Variants in SLC9A9 observed in about 807,000 individuals in gnomAD.
SLC9A9 encodes the protein sodium/hydrogen exchanger 9.
A neutral mutation model predicts 77.8 loss-of-function variants in SLC9A9; 62 were observed. The ratio of observed to expected loss-of-function variants is 0.80; its 90% CI spans 0.65 to 0.98. The LOEUF is 0.98. SLC9A9 is among the 50% of genes least tolerant of loss of function. The pLI is 0.00. For missense variants in SLC9A9, 775 were observed against 774.9 expected, an observed-to-expected ratio of 1.00 and a Z score of 0.00; for synonymous variants, 320 against 283.5, an observed-to-expected ratio of 1.13 and a Z score of -1.29.
intron 4 of SLC9A9, among the ~76,000 whole-genome samples, chr3:143,768,281 C>A (rs550619674): frequency 6.6e-6 from 1 of 152,096 alleles, no homozygotes. Flanking sequence ...CAAAAGAATA[C>A]CACTTGTTAA....
In SLC9A9 at chr3:143,449,644, A is replaced by AATATAATTATATAAAATATAATTATATT. The variant is rs1559921357; in HGVS notation, c.1469+17365_1469+17392dup. 1.3e-3 allele frequency among the ~76,000 whole-genome samples: 14 copies of AATATAATTATATAAAATATAATTATATT among 10,650 alleles called. 1 individual carries two copies. The highest frequency in any genetic ancestry group is 1.6e-3 in the Non-Finnish European group (13 of 8,336). 7.0% of individuals were successfully genotyped at this position (10,650 alleles called of 152,430 possible). A position where few individuals can be genotyped will look rare whatever the true frequency, so the allele number is the denominator to read the frequency against. The stretch of plus-strand genomic sequence containing the variant: ...ATAATTATATAAAATATAATTATAT[A>AATATAATTATATAAAATATAATTATATT]ATATAATTATATAAAATATAATTAT... On this transcript the variant is annotated intron_variant, in intron 12 of 15. Coordinates refer to ENST00000316549, the MANE Select transcript of SLC9A9 (RefSeq NM_173653.4).
chr3:143,803,511 T>C (rs1255809635), intron 2 of SLC9A9, among the ~76,000 whole-genome samples: 3 of 152,182 alleles, frequency 2.0e-5, no homozygotes, highest in African/African-American at 7.2e-5. Flanking sequence ...ATCACAGCTG[T>C]TGTCTCCTGG....
intron 11 of SLC9A9, among the ~76,000 whole-genome samples, chr3:143,476,221 G>A (rs2108576614): frequency 6.6e-6 from 1 of 152,298 alleles, no homozygotes; most frequent in South Asian, 2.1e-4. Context: ...TCACATGGAA[G>A]TGAAGCCAAC....
rs545579219 is a variant in SLC9A9, at chr3:143,282,605, T to C, written c.1605-13625A>G. Among the ~76,000 whole-genome samples, 3 of 152,302 alleles carry C rather than the reference T, an allele frequency of 2.0e-5. No homozygotes were observed. The East Asian group carries it at 5.8e-4, about 29-fold the overall frequency. ...AATTCTAGAGAAGCCTCTCAGAGCA[T>C]CAATTCTGCCCTTTCTGCCTTCCTG... On this transcript the variant is annotated intron_variant, in intron 14 of 15. Coordinates refer to ENST00000316549, the MANE Select transcript of SLC9A9 (RefSeq NM_173653.4).
chr3:143,773,672 C>CG (rs1315819911), intron 4 of SLC9A9, among the ~76,000 whole-genome samples: 2 of 151,954 alleles, frequency 1.3e-5, no homozygotes, highest in African/African-American at 2.4e-5. Flanking sequence ...TTAGTAGAGA[C>CG]GGGGTTTCAC....
intron 12 of SLC9A9, among the ~76,000 whole-genome samples, chr3:143,406,658 T>A (rs2033987954): frequency 1.3e-5 from 2 of 152,240 alleles, no homozygotes; most frequent in South Asian, 4.1e-4. Context: ...TCATCATTAC[T>A]CATTATTCCC....
At chr3:143,416,066 C>T (rs565518403) in intron 12 of SLC9A9, among the ~76,000 whole-genome samples, 83 of 152,154 alleles carry the variant, frequency 5.5e-4, no homozygotes, top group Non-Finnish European at 1.0e-3. Context: ...GTAGAAATAA[C>T]AAGAGAACTA....
At chr3:143,595,190 G>A (rs1238611797) in intron 6 of SLC9A9, among the ~76,000 whole-genome samples, 2 of 152,228 alleles carry the variant, frequency 1.3e-5, no homozygotes, top group African/African-American at 4.8e-5. Context: ...GGCTCTGAGT[G>A]GAGCTAGTGG....
chr3:143,371,412 A>C (rs577145193), intron 13 of SLC9A9, among the ~76,000 whole-genome samples: 1 of 152,218 alleles, frequency 6.6e-6, no homozygotes, highest in Non-Finnish European at 1.5e-5. Context: ...TAATGGCTTG[A>C]CTGAATAAAA....
At chr3:143,842,554 GAGA>G (rs1249043691) in intron 1 of SLC9A9, among the ~76,000 whole-genome samples, 7 of 152,264 alleles carry the variant, frequency 4.6e-5, no homozygotes, top group Admixed American at 3.3e-4. Context: ...CACCAAAAGG[GAGA>G]AGAAGTTTAG....
At chr3:143,421,047 A>G (rs2034288832) in intron 12 of SLC9A9, among the ~76,000 whole-genome samples, 1 of 152,214 alleles carries the variant, frequency 6.6e-6, no homozygotes, top group East Asian at 1.9e-4. Flanking sequence ...GGCTAGACAT[A>G]GATTAAAATA....
chr3:143,625,550 C>T (rs993302447), intron 6 of SLC9A9, among the ~76,000 whole-genome samples: 1 of 152,180 alleles, frequency 6.6e-6, no homozygotes, highest in African/African-American at 2.4e-5. Context: ...GCTGGGAAAA[C>T]TGGCTAGCCA....
At chr3:143,499,385 T>C (rs1158255331) in intron 9 of SLC9A9, among the ~76,000 whole-genome samples, 3 of 152,178 alleles carry the variant, frequency 2.0e-5, no homozygotes, top group African/African-American at 7.2e-5. Context: ...AGATATTTGA[T>C]GTTTCTTGTT....
At chr3:143,780,811 C>T (rs1277587886) in intron 4 of SLC9A9, among the ~76,000 whole-genome samples, 1 of 152,124 alleles carries the variant, frequency 6.6e-6, no homozygotes, top group Non-Finnish European at 1.5e-5. Flanking sequence ...CAATTTTCAT[C>T]CAGTGTTGGA....
At chr3:143,550,222 G>A (rs2036856367) in intron 9 of SLC9A9, among the ~76,000 whole-genome samples, 1 of 152,138 alleles carries the variant, frequency 6.6e-6, no homozygotes, top group Non-Finnish European at 1.5e-5. Context: ...GTCAATTACA[G>A]GTTTTGCTTT....
Position 143,652,518 on chromosome 3 carries a change from T to C in SLC9A9, c.650-158A>G, listed in dbSNP as rs79987777. ...CTTTATTCAAAAAATATCTGATGCT[T>C]AAGAGGCTTCTCTTGGCTCCCTACT... is the stretch of plus-strand genomic sequence containing the variant. On this transcript the variant is annotated intron_variant, in intron 5 of 15. Coordinates refer to ENST00000316549, the MANE Select transcript of SLC9A9 (RefSeq NM_173653.4). Among the ~76,000 whole-genome samples, 115 of 152,254 alleles carry C rather than the reference T, an allele frequency of 7.6e-4. No individual in the cohort carries two copies. In the East Asian group the frequency reaches 0.021, roughly 28 times the overall value.
chr3:143,446,660 T>C (rs1875463), intron 12 of SLC9A9, among the ~76,000 whole-genome samples: 119,906 of 152,016 alleles, frequency 0.79, 47,666 homozygotes, highest in African/African-American at 0.9. Flanking sequence ...GTTACTTCTG[T>C]GGGGTGTGAT....
At chr3:143,389,916 G>A (rs1484338081) in intron 12 of SLC9A9, among the ~76,000 whole-genome samples, 1 of 152,226 alleles carries the variant, frequency 6.6e-6, no homozygotes, top group African/African-American at 2.4e-5. Flanking sequence ...CATGAAGTAT[G>A]TAATATGATT....
intron 6 of SLC9A9, among the ~76,000 whole-genome samples, chr3:143,579,613 T>G (rs1225704358): frequency 6.6e-6 from 1 of 152,194 alleles, no homozygotes; most frequent in Non-Finnish European, 1.5e-5. Context: ...TCAGATTTTT[T>G]TTTGCAGTTT....
Sources: gnomAD v4.1 joint callset for allele counts (sites outside exome capture counted in the v4.1 genomes callset) on GRCh38, gnomAD v4.1.1 for gene constraint, MANE v1.5 for transcripts, NCBI Gene and HGNC (gene_info 2026-07-23, HGNC 2026-07-21) for gene names.